Variants in HAUS6 observed in about 807,000 individuals in gnomAD.
HAUS6 encodes HAUS augmin like complex subunit 6.
In HAUS6, 80 loss-of-function variants were observed where a neutral mutation model predicts 106.8. The observed-to-expected ratio is 0.75, with a 90% CI of 0.63 to 0.90. The LOEUF is 0.90. Among genes scored for constraint, HAUS6 ranks in the 40% least tolerant of loss-of-function variants. HAUS6 has a pLI of 0.00. For synonymous variants in HAUS6, 356 were observed against 379.1 expected (o/e 0.94, Z 0.71); for missense variants, 1,155 against 1,118.1 (o/e 1.03, Z -0.47).
chr9:19,095,036 G>C (rs1188984044), intron 2 of HAUS6, among the ~76,000 whole-genome samples: 2 of 151,770 alleles, frequency 1.3e-5, no homozygotes, highest in Non-Finnish European at 2.9e-5. Context: ...AAATAAATTA[G>C]TAAATTAAGC....
intron 12 of HAUS6, among the ~76,000 whole-genome samples, chr9:19,066,218 G>T (rs1220841208): frequency 2.6e-5 from 4 of 152,016 alleles, no homozygotes; most frequent in African/African-American, 9.7e-5. Flanking sequence ...TTACAGGCAT[G>T]AGCCACCATG....
At chr9:19,083,985 G>A (rs1345530830) in intron 7 of HAUS6, among the ~76,000 whole-genome samples, 2 of 145,686 alleles carry the variant, frequency 1.4e-5, no homozygotes, top group South Asian at 2.2e-4. Context: ...GCACAGTGGC[G>A]CATACCTGTA....
chr9:19,100,221 G>T (rs945776153), intron 1 of HAUS6, among the ~76,000 whole-genome samples: 4 of 152,226 alleles, frequency 2.6e-5, no homozygotes, highest in East Asian at 3.9e-4. Context: ...AACTAGCCAG[G>T]CGTGGCAGCA....
Position 19,058,338 on chromosome 9 carries a change from C to T in HAUS6, c.2429G>A (p.Gly810Asp). 6.2e-7 allele frequency: 1 copy of T among 1,613,724 alleles called. No individual in the cohort carries two copies. The highest frequency in any genetic ancestry group is 8.5e-7 in the Non-Finnish European group (1 of 1,179,704). The change falls in exon 16 of 17, where the codon GGC (glycine) becomes GAC (aspartate). Residue 810 changes from glycine (G) to aspartate (D), a missense_variant. Gly to Asp is a moderately conservative substitution (Grantham distance 94, BLOSUM62 -1). This residue lies in a region of HAUS6 where 380 missense variants were observed against 394.8 expected (regional missense o/e 0.96). Coordinates refer to ENST00000380502, the MANE Select transcript of HAUS6 (RefSeq NM_017645.5). ...TCCCACAACATCTTCTAGAAGAGTGCCACCATGCATAGGACTATTTGGCTC... is the reference window on the plus strand; with the variant it reads ...TCCCACAACATCTTCTAGAAGAGTGTCACCATGCATAGGACTATTTGGCTC... ...KLEPNSPMHG[G>D]TLLEDVVGGR...
intron 12 of HAUS6, among the ~76,000 whole-genome samples, chr9:19,067,158 T>C (rs1444459973): frequency 6.6e-6 from 1 of 152,226 alleles, no homozygotes; most frequent in Non-Finnish European, 1.5e-5. Flanking sequence ...ATTGATCATA[T>C]CCACATATGA....
intron 12 of HAUS6, 132 bp downstream of exon 12, chr9:19,070,087 T>C (rs1836854966): frequency 1.6e-6 from 1 of 624,616 alleles, no homozygotes; most frequent in Non-Finnish European, 2.9e-6. Context: ...AATCCTCTTG[T>C]AATACAGAAA....
rs1469163768 is a variant in HAUS6, at chr9:19,056,156, AG to A, written c.*186del. 1.6e-5 allele frequency: 8 copies of A among 500,618 alleles called. No individual in the cohort carries two copies. Among genetic ancestry groups the A allele is most frequent in the Non-Finnish European group, 2.8e-5 (8 of 282,148 alleles). The allele number at this position is 500,618 out of a possible 1,614,324, so 31.0% of individuals were successfully genotyped here. A position where few individuals can be genotyped will look rare whatever the true frequency, so the allele number is the denominator to read the frequency against. ...ATTTCAATCTCATATACCTACAAAGAGGAAAAAATCCAAACATACTTTCCTT... is the reference window on the plus strand; with the variant it reads ...ATTTCAATCTCATATACCTACAAAGAGAAAAAATCCAAACATACTTTCCTT... On this transcript the variant is annotated 3_prime_UTR_variant, in exon 17 of 17. Transcript: ENST00000380502.
rs1184555182 is a variant in HAUS6 at position 19,063,048 on chromosome 9, C to T, written c.1589G>A (p.Ser530Asn). The change falls in exon 14 of 17, where the codon AGT becomes AAT. Residue 530 changes from serine to asparagine, a missense_variant. Transcript: ENST00000380502. ...ATCTTGCTCTTTTTGAAATGGATCA[C>T]TTTTTTTAGCTGGCAAAGACCCTCC... Reference protein sequence around the residue: ...AFGGSLPAKKSDPFQKEQDHL... With the variant: ...AFGGSLPAKKNDPFQKEQDHL... 1.2e-6 allele frequency: 2 copies of T among 1,611,256 alleles called. No homozygotes were observed. The highest frequency in any genetic ancestry group is 2.7e-5 in the African/African-American group (2 of 74,844).
intron 7 of HAUS6, among the ~76,000 whole-genome samples, chr9:19,085,653 C>T (rs1441950161): frequency 6.6e-6 from 1 of 151,170 alleles, no homozygotes; most frequent in Non-Finnish European, 1.5e-5. Flanking sequence ...AAATACTTAA[C>T]TCACATCAAA....
At chr9:19,071,638 A>G (rs959829285) in intron 11 of HAUS6, among the ~76,000 whole-genome samples, 3 of 149,110 alleles carry the variant, frequency 2.0e-5, no homozygotes, top group Middle Eastern at 3.2e-3. Context: ...CAGTACCACA[A>G]TCATGGCTCA....
chr9:19,091,022 C>T (rs1418352269), intron 4 of HAUS6, among the ~76,000 whole-genome samples: 2 of 151,988 alleles, frequency 1.3e-5, no homozygotes, highest in African/African-American at 2.4e-5. Flanking sequence ...CAGAATTGGC[C>T]GGGCGCAGTG....
chr9:19,070,591 C>T (rs1836863502), intron 11 of HAUS6, among the ~76,000 whole-genome samples: 1 of 152,166 alleles, frequency 6.6e-6, no homozygotes, highest in Admixed American at 6.6e-5. Flanking sequence ...TTTACATACA[C>T]AGATCATGAG....
chr9:19,064,698 A>G (rs1396666357), intron 12 of HAUS6, among the ~76,000 whole-genome samples: 1 of 152,228 alleles, frequency 6.6e-6, no homozygotes, highest in Non-Finnish European at 1.5e-5. Context: ...ATTTTATATC[A>G]TAGTAAATGT....
At chr9:19,080,320 C>T (rs1837112672) in intron 9 of HAUS6, among the ~76,000 whole-genome samples, 159 bp downstream of exon 9, 2 of 151,826 alleles carry the variant, frequency 1.3e-5, no homozygotes, top group Admixed American at 1.3e-4. Flanking sequence ...TTCCTTTCTG[C>T]TTCATGTATA....
chr9:19,069,958 C>A (rs1836852838), intron 12 of HAUS6, among the ~76,000 whole-genome samples: 1 of 151,960 alleles, frequency 6.6e-6, no homozygotes, highest in Non-Finnish European at 1.5e-5. Flanking sequence ...CAGACAGGGT[C>A]TTGCTATGCC....
chr9:19,084,330 A>G (rs1448661928), intron 7 of HAUS6, among the ~76,000 whole-genome samples: 1 of 152,218 alleles, frequency 6.6e-6, no homozygotes, highest in Non-Finnish European at 1.5e-5. Flanking sequence ...TCTTTAGTGT[A>G]ACATGTGAGG....
intron 7 of HAUS6, among the ~76,000 whole-genome samples, chr9:19,086,009 T>G (rs1588619710): frequency 6.7e-6 from 1 of 149,518 alleles, no homozygotes. Flanking sequence ...AAAAAAGTAA[T>G]AGTACTATAA....
chr9:19,095,927 A>T (rs1275393819), intron 2 of HAUS6, among the ~76,000 whole-genome samples: 4 of 152,192 alleles, frequency 2.6e-5, no homozygotes, highest in Non-Finnish European at 1.5e-5. Flanking sequence ...TATCAATGAA[A>T]AAAATAAGGA....
At chr9:19,068,703 T>TA (rs1232300970) in intron 12 of HAUS6, among the ~76,000 whole-genome samples, 2 of 140,824 alleles carry the variant, frequency 1.4e-5, no homozygotes, top group East Asian at 1.9e-4. Flanking sequence ...CTATTTAGGT[T>TA]AAAAAACAAT....
Sources: allele counts gnomAD v4.1 joint callset (sites outside exome capture counted in the v4.1 genomes callset), GRCh38; gene constraint gnomAD v4.1.1; regional missense constraint gnomAD v4.1.1; transcripts MANE v1.5; gene names NCBI Gene and HGNC (gene_info 2026-07-23, HGNC 2026-07-21).